The following ARHGAP24 variants were observed in gnomAD, a reference collection of about 807,000 sequenced individuals.
ARHGAP24 encodes the protein Rho GTPase activating protein 24.
Under a neutral mutation model 76.4 loss-of-function variants are expected in ARHGAP24, and 50 were observed. The ratio of observed to expected loss-of-function variants is 0.65; its 90% CI spans 0.52 to 0.83. The LOEUF (loss-of-function observed/expected upper bound fraction) is 0.83. ARHGAP24 is among the 40% of genes least tolerant of loss of function. The pLI is 0.00. For synonymous variants in ARHGAP24, 345 were observed against 323.3 expected, an observed-to-expected ratio of 1.07 and a Z score of -0.72; for missense variants, 930 against 914.2, an observed-to-expected ratio of 1.02 and a Z score of -0.22.
At chr4:85,994,514 A>C in intron 8 of ARHGAP24, 69 bp from the exon 9 acceptor site, 1 of 1,409,088 alleles carries the variant, frequency 7.1e-7, no homozygotes, top group Non-Finnish European at 1.0e-6. Flanking sequence ...TTTCTTTAAG[A>C]GTCACATTGA....
intron 2 of ARHGAP24, among the ~76,000 whole-genome samples, chr4:85,704,449 G>C (rs563235169): frequency 7.9e-5 from 12 of 151,978 alleles, no homozygotes; most frequent in South Asian, 2.1e-4. Flanking sequence ...AGATAGTTTT[G>C]GAATGGAGGC....
chr4:85,801,332 T>A (rs1334927159), intron 3 of ARHGAP24, among the ~76,000 whole-genome samples: 1 of 152,244 alleles, frequency 6.6e-6, no homozygotes, highest in African/African-American at 2.4e-5. Context: ...TATTGATAAC[T>A]ATATTTCAAG....
Position 85,531,034 on chromosome 4 carries a change from A to G in ARHGAP24, c.-20-39488A>G, listed in dbSNP as rs558904199. On this transcript the variant is annotated intron_variant, in intron 1 of 9. Transcript: ENST00000395184. ...ACATAAGCCAGATGGCTGATTTTCTATTTTTGTGTGTGTGCATGAAATCGT... is the reference window on the plus strand; with the variant it reads ...ACATAAGCCAGATGGCTGATTTTCTGTTTTTGTGTGTGTGCATGAAATCGT... 8.5e-4 allele frequency among the ~76,000 whole-genome samples: 130 copies of G among 152,068 alleles called. 1 individual carries two copies. In the South Asian group the frequency reaches 0.026, roughly 31 times the overall value.
chr4:85,681,498 T>G (rs1024804070), intron 2 of ARHGAP24, among the ~76,000 whole-genome samples: 1 of 152,188 alleles, frequency 6.6e-6, no homozygotes, highest in Non-Finnish European at 1.5e-5. Context: ...CCTTCCTGTT[T>G]AGCACAGTGG....
At chr4:85,745,880 C>T (rs1372352798) in intron 3 of ARHGAP24, among the ~76,000 whole-genome samples, 1 of 152,132 alleles carries the variant, frequency 6.6e-6, no homozygotes, top group Non-Finnish European at 1.5e-5. Flanking sequence ...AATGCCTAGC[C>T]TGGCTCTGCA....
At chr4:85,477,189 G>C (rs1316900767) in intron 1 of ARHGAP24, among the ~76,000 whole-genome samples, 2 of 152,134 alleles carry the variant, frequency 1.3e-5, no homozygotes, top group East Asian at 3.9e-4. Flanking sequence ...TATGGTACTA[G>C]GAAAAATAAT....
chr4:85,996,648 T>G (rs1480454528), intron 9 of ARHGAP24, among the ~76,000 whole-genome samples: 1 of 152,222 alleles, frequency 6.6e-6, no homozygotes, highest in Admixed American at 6.5e-5. Flanking sequence ...AATTACTTCC[T>G]TGGAAAGTAT....
chr4:85,692,009 G>A lies in ARHGAP24; in HGVS notation c.181-29876G>A, dbSNP rs894404205. Reference sequence around the variant, plus strand: ...TTTAGCATTCTCTTAAGGACTTCTCGTAAGGCTAGTCTAGTTGAAATGAAT... The same window carrying A: ...TTTAGCATTCTCTTAAGGACTTCTCATAAGGCTAGTCTAGTTGAAATGAAT... On this transcript the variant is annotated intron_variant, in intron 2 of 9. Transcript: ENST00000395184. 2.8e-4 allele frequency among the ~76,000 whole-genome samples: 42 copies of A among 152,142 alleles called. 1 individual carries two copies. The highest frequency in any genetic ancestry group is 8.8e-5 in the Non-Finnish European group (6 of 68,020).
In ARHGAP24 at chr4:85,911,359, C is replaced by A. The variant is rs1249458611; in HGVS notation, c.269-12289C>A. On this transcript the variant is annotated intron_variant, in intron 3 of 9. Transcript: ENST00000395184. ...GATGGCAGTGGCAGGCTGTCTGGAGCGGCCACTGCCATCAATAATACATAA... is the reference window on the plus strand; with the variant it reads ...GATGGCAGTGGCAGGCTGTCTGGAGAGGCCACTGCCATCAATAATACATAA... 2.6e-5 allele frequency among the ~76,000 whole-genome samples: 4 copies of A among 151,882 alleles called. No individual in the cohort carries two copies. In the South Asian group the frequency reaches 8.3e-4, roughly 32 times the overall value.
chr4:85,832,877 C>T (rs778830757), intron 3 of ARHGAP24, among the ~76,000 whole-genome samples: 2 of 152,144 alleles, frequency 1.3e-5, no homozygotes, highest in Non-Finnish European at 2.9e-5. Context: ...TGTCCTGCTG[C>T]TTGAGGGGTA....
intron 2 of ARHGAP24, among the ~76,000 whole-genome samples, chr4:85,642,824 A>G (rs1721575666): frequency 6.6e-6 from 1 of 152,098 alleles, no homozygotes; most frequent in Non-Finnish European, 1.5e-5. Context: ...TTGTCAGATC[A>G]TGTCACTGCT....
Position 85,973,844 on chromosome 4 carries a change from T to TG in ARHGAP24, c.733-1044_733-1043insG, listed in dbSNP as rs1739147871. Among the ~76,000 whole-genome samples the TG allele has an allele frequency of 5.6e-5, 4 of 71,472 alleles. 1 individual carries two copies. Among genetic ancestry groups the TG allele is most frequent in the Non-Finnish European group, 8.7e-5 (3 of 34,544 alleles). The allele number at this position is 71,472 out of a possible 152,430, so 46.9% of individuals were successfully genotyped here. A position where few individuals can be genotyped will look rare whatever the true frequency, so the allele number is the denominator to read the frequency against. ...AACTGCTGCCTATTGTTTTTTTTTT[T>TG]TTTTTTTTTTTTTTTTGAGACAGAG... On this transcript the variant is annotated intron_variant, in intron 6 of 9. Transcript: ENST00000395184.
chr4:85,477,170 T>C (rs931898320), intron 1 of ARHGAP24, among the ~76,000 whole-genome samples: 1 of 152,176 alleles, frequency 6.6e-6, no homozygotes, highest in African/African-American at 2.4e-5. Context: ...GGAAGGAATA[T>C]AAAAGAGGTA....
intron 4 of ARHGAP24, among the ~76,000 whole-genome samples, chr4:85,927,851 C>T (rs953199031): frequency 4.6e-5 from 7 of 152,156 alleles, no homozygotes; most frequent in African/African-American, 1.4e-4. Context: ...TCCCTCTTTG[C>T]CATTACAATA....
chr4:85,577,960 A>G (rs1292562560), intron 2 of ARHGAP24, among the ~76,000 whole-genome samples: 1 of 152,234 alleles, frequency 6.6e-6, no homozygotes, highest in Non-Finnish European at 1.5e-5. Context: ...AAGAAAGCAG[A>G]GGCAAGTTTG....
intron 3 of ARHGAP24, among the ~76,000 whole-genome samples, chr4:85,874,132 C>T (rs1017852423): frequency 6.6e-6 from 1 of 152,012 alleles, no homozygotes. Flanking sequence ...AAAAACAGAA[C>T]AAAAACAACG....
chr4:85,747,223 A>C (rs1726075448), intron 3 of ARHGAP24, among the ~76,000 whole-genome samples: 1 of 152,146 alleles, frequency 6.6e-6, no homozygotes, highest in African/African-American at 2.4e-5. Flanking sequence ...TTTACGTTTC[A>C]CTTATGTTTT....
intron 2 of ARHGAP24, among the ~76,000 whole-genome samples, chr4:85,627,225 T>A (rs1469456556): frequency 3.9e-5 from 6 of 152,324 alleles, no homozygotes; most frequent in African/African-American, 1.4e-4. Flanking sequence ...TGGTCTTTGA[T>A]GATGGTGACG....
At chr4:85,760,305 CT>C (rs1726686596) in intron 3 of ARHGAP24, among the ~76,000 whole-genome samples, 1 of 152,028 alleles carries the variant, frequency 6.6e-6, no homozygotes, top group South Asian at 2.1e-4. Flanking sequence ...GCTGATTAAC[CT>C]GAGATCTATA....
Sources: gnomAD v4.1 joint callset for allele counts (sites outside exome capture counted in the v4.1 genomes callset) on GRCh38, gnomAD v4.1.1 for gene constraint, MANE v1.5 for transcripts, NCBI Gene and HGNC (gene_info 2026-07-23, HGNC 2026-07-21) for gene names.